The following PIEZO2 variants were observed in gnomAD, a reference collection of about 807,000 sequenced individuals.
The protein encoded by PIEZO2 is piezo type mechanosensitive ion channel component 2.
In PIEZO2, 172 loss-of-function variants were observed where a neutral mutation model predicts 337.3. The ratio of observed to expected loss-of-function variants is 0.51; its 90% CI spans 0.45 to 0.58. PIEZO2 has a LOEUF of 0.58. Ranked by LOEUF, PIEZO2 falls within the 20% of genes least tolerant of loss-of-function variation. PIEZO2 has a pLI of 0.00. For missense variants in PIEZO2, 3,028 were observed against 3,391.3 expected (o/e 0.89, Z 2.66); for synonymous variants, 1,251 against 1,228.5 (o/e 1.02, Z -0.38).
rs535728319 is a variant in PIEZO2 at position 10,726,402 on chromosome 18, C to T, written c.5029+5005G>A. Reference sequence around the variant, plus strand: ...CCTGCGGGGCGGTAACAACGCGCGCCAGCCGTGGCACAACGCGGAGGGCCG... The same window carrying T: ...CCTGCGGGGCGGTAACAACGCGCGCTAGCCGTGGCACAACGCGGAGGGCCG... On this transcript the variant is annotated intron_variant, in intron 36 of 55. Coordinates refer to ENST00000674853, the MANE Select transcript of PIEZO2 (RefSeq NM_001378183.1). The surrounding 1 kb of genome is among the most constrained non-coding windows in gnomAD (Gnocchi z 5.9). 60 of 1,527,366 alleles carry T rather than the reference C, an allele frequency of 3.9e-5. No individual in the cohort carries two copies. The African/African-American group carries it at 6.9e-4, about 17-fold the overall frequency. 94.6% of individuals were successfully genotyped at this position (1,527,366 alleles called of 1,614,324 possible).
chr18:10,861,944 C>T lies in PIEZO2; in HGVS notation c.493-4733G>A, dbSNP rs544815427. On this transcript the variant is annotated intron_variant, in intron 5 of 55. Transcript: ENST00000674853. This position sits in a 1 kb window ranked among gnomAD's most constrained non-coding sequence, Gnocchi z 4.3. ...GAGGCAGGAGAATCACTGGAACCAA[C>T]GAGGCAGAGGTCGCAGTGAGCCGAG... Among the ~76,000 whole-genome samples the T allele has an allele frequency of 1.1e-4, 16 of 151,780 alleles. No individual in the cohort carries two copies. Among genetic ancestry groups the T allele is most frequent in the African/African-American group, 3.4e-4 (14 of 41,396 alleles).
chr18:11,096,797 C>T lies in PIEZO2; in HGVS notation c.65-30575G>A, dbSNP rs1373439643. 1.3e-5 allele frequency among the ~76,000 whole-genome samples: 2 copies of T among 152,156 alleles called. No individual in the cohort carries two copies. Among genetic ancestry groups the T allele is most frequent in the Non-Finnish European group, 1.5e-5 (1 of 68,032 alleles). On this transcript the variant is annotated intron_variant, in intron 1 of 55. Coordinates refer to ENST00000674853, the MANE Select transcript of PIEZO2 (RefSeq NM_001378183.1). This position sits in a 1 kb window ranked among gnomAD's most constrained non-coding sequence, Gnocchi z 4.6. ...TGACCACACTAACATAAAAAGCACT[C>T]ATTCTTCTGCATTTCCTGCTGCCCA...
At chr18:10,810,176 T>A (rs1013623049) in intron 7 of PIEZO2, among the ~76,000 whole-genome samples, 2 of 152,114 alleles carry the variant, frequency 1.3e-5, no homozygotes, top group African/African-American at 4.8e-5. Context: ...GACGCAAGTA[T>A]ATGAAAAAGA....
At chr18:10,913,401 G>A (rs1462641637) in intron 3 of PIEZO2, among the ~76,000 whole-genome samples, 1 of 152,170 alleles carries the variant, frequency 6.6e-6, no homozygotes, top group African/African-American at 2.4e-5. Context: ...CCGGAGGGAA[G>A]GATTGGACGG....
At chr18:10,800,965 A>G (rs1037122934) in intron 10 of PIEZO2, among the ~76,000 whole-genome samples, 1 of 152,126 alleles carries the variant, frequency 6.6e-6, no homozygotes, top group Admixed American at 6.5e-5. Context: ...CTAAGGCATC[A>G]CCCTCTGGGG....
rs779676985 is a variant in PIEZO2 at position 10,696,413 on chromosome 18, G to A, written c.6954C>T (p.Val2318=). Reference sequence around the variant, plus strand: ...CTACCCCAAAGGCCCAAAAGCCGAAGACAATGATGATGAAGTCCACAGTGT... The same window carrying A: ...CTACCCCAAAGGCCCAAAAGCCGAAAACAATGATGATGAAGTCCACAGTGT... ...LADTVDFIII[V]FGFWAFGKHS... The change falls in exon 46 of 56, where the codon GTC becomes GTT. Residue 2318 remains valine (V), a synonymous_variant. Coordinates refer to ENST00000674853, the MANE Select transcript of PIEZO2 (RefSeq NM_001378183.1). 3.1e-6 allele frequency: 5 copies of A among 1,614,102 alleles called. No individual in the cohort carries two copies. Among genetic ancestry groups the A allele is most frequent in the African/African-American group, 1.3e-5 (1 of 74,932 alleles).
intron 3 of PIEZO2, among the ~76,000 whole-genome samples, chr18:10,925,912 A>G (rs1484140792): frequency 6.6e-6 from 1 of 152,158 alleles, no homozygotes; most frequent in African/African-American, 2.4e-5. Flanking sequence ...TTTGTTTCCA[A>G]AAGTGACGGA....
intron 9 of PIEZO2, among the ~76,000 whole-genome samples, chr18:10,803,144 A>G (rs1008222683): frequency 6.6e-6 from 1 of 152,176 alleles, no homozygotes; most frequent in South Asian, 2.1e-4. Flanking sequence ...CCATTGGCAT[A>G]TCATGCACCC....
At chr18:10,883,208 T>C (rs2042473111) in intron 4 of PIEZO2, among the ~76,000 whole-genome samples, 1 of 152,190 alleles carries the variant, frequency 6.6e-6, no homozygotes, top group South Asian at 2.1e-4. Flanking sequence ...GGCTATTGTA[T>C]ATAGTGCTGA....
intron 2 of PIEZO2, among the ~76,000 whole-genome samples, chr18:10,981,233 T>C (rs1158643039): frequency 1.3e-5 from 2 of 152,150 alleles, no homozygotes; most frequent in East Asian, 1.9e-4. Flanking sequence ...TTTTAAAGTG[T>C]TATGTCATAG....
chr18:10,994,150 C>G (rs1316651120), intron 2 of PIEZO2, among the ~76,000 whole-genome samples: 1 of 152,210 alleles, frequency 6.6e-6, no homozygotes, highest in Admixed American at 6.5e-5. Flanking sequence ...ATAGTAGTCT[C>G]CAATCCCATC....
In PIEZO2 at chr18:11,009,502, G is replaced by A. The variant is rs112208641; in HGVS notation, c.161-29842C>T. Among the ~76,000 whole-genome samples the A allele has an allele frequency of 1.1e-4, 16 of 152,166 alleles. No individual in the cohort carries two copies. The highest frequency in any genetic ancestry group is 1.4e-4 in the African/African-American group (6 of 41,438). ...TCAGCTCATGGACTGGTTGAGGCGCGTGTGAGAGCAGCGTATGAGAGTAGC... is the reference window on the plus strand; with the variant it reads ...TCAGCTCATGGACTGGTTGAGGCGCATGTGAGAGCAGCGTATGAGAGTAGC... On this transcript the variant is annotated intron_variant, in intron 2 of 55. Transcript: ENST00000674853. The surrounding 1 kb of genome is among the most constrained non-coding windows in gnomAD (Gnocchi z 4.6).
chr18:11,066,054 C>T (rs1179726965), intron 2 of PIEZO2, 73 bp downstream of exon 2: 2 of 1,236,930 alleles, frequency 1.6e-6, no homozygotes, highest in Non-Finnish European at 2.3e-6. Flanking sequence ...TAGATAAAGG[C>T]CATCCCAAGG....
chr18:10,771,233 G>T (rs1456438973), intron 20 of PIEZO2, among the ~76,000 whole-genome samples: 1 of 152,238 alleles, frequency 6.6e-6, no homozygotes, highest in East Asian at 1.9e-4. Context: ...TCAGAGCCCT[G>T]CATGGGCAGG....
chr18:10,736,633 C>A lies in PIEZO2; in HGVS notation c.4786G>T (p.Glu1596Ter). Reference protein sequence around the residue: ...EEEEELKKEDEEPPRRSAFQR... With the variant: ...EEEEELKKED ...AATGCTGACCTTCGTGGAGGTTCTT[C>A]ATCTTCCTTCTTTAATTCTTCCTCT... is the stretch of plus-strand genomic sequence containing the variant. Residue 1596 changes from glutamate to a stop codon, truncating the protein, a stop_gained, in exon 34 of 56, where the codon GAA (glutamate) becomes TAA (stop). Coordinates refer to ENST00000674853, the MANE Select transcript of PIEZO2 (RefSeq NM_001378183.1). LOFTEE classifies it high-confidence loss of function. 6.5e-7 allele frequency: 1 copy of A among 1,537,132 alleles called. No homozygotes were observed. Among genetic ancestry groups the A allele is most frequent in the Non-Finnish European group, 8.7e-7 (1 of 1,146,834 alleles).
intron 49 of PIEZO2, among the ~76,000 whole-genome samples, chr18:10,685,252 C>A (rs12955845): frequency 0.29 from 44,503 of 151,982 alleles, 7,226 homozygotes; most frequent in Non-Finnish European, 0.38. Flanking sequence ...GACAGGGGAT[C>A]AATAATAGTA....
At position 11,101,390 on chromosome 18, in the gene PIEZO2, G is replaced by A. The variant is rs1372644471; in HGVS notation, c.65-35168C>T. 6.6e-6 allele frequency among the ~76,000 whole-genome samples: 1 copy of A among 152,218 alleles called. No homozygotes were observed. The highest frequency in any genetic ancestry group is 2.4e-5 in the African/African-American group (1 of 41,458). The stretch of plus-strand genomic sequence containing the variant: ...GGGCCCCAGGAGCAGAAACGGAAGT[G>A]GTTCCCTTAAAGTTATAGGATAACA... On this transcript the variant is annotated intron_variant, in intron 1 of 55. Coordinates refer to ENST00000674853, the MANE Select transcript of PIEZO2 (RefSeq NM_001378183.1). The surrounding 1 kb of genome is among the most constrained non-coding windows in gnomAD (Gnocchi z 4.4).
At chr18:11,085,783 T>A (rs1018163356) in intron 1 of PIEZO2, among the ~76,000 whole-genome samples, 2 of 149,152 alleles carry the variant, frequency 1.3e-5, no homozygotes, top group Non-Finnish European at 3.0e-5. Context: ...AAATTTTTTT[T>A]AAAGCTTACT....
At chr18:10,711,770 C>T (rs1332104223) in intron 39 of PIEZO2, among the ~76,000 whole-genome samples, 1 of 152,174 alleles carries the variant, frequency 6.6e-6, no homozygotes, top group Non-Finnish European at 1.5e-5. Context: ...TGTACGTGAT[C>T]GTATTCTTCA....
Sources: gnomAD v4.1 joint callset for allele counts (sites outside exome capture counted in the v4.1 genomes callset) on GRCh38, gnomAD v4.1.1 for gene constraint, Gnocchi (gnomAD v3.1) non-coding constraint, MANE v1.5 for transcripts, NCBI Gene and HGNC (gene_info 2026-07-23, HGNC 2026-07-21) for gene names.